Variants in FAM184B observed in about 807,000 individuals in gnomAD.
FAM184B encodes protein FAM184B.
In FAM184B, 111 loss-of-function variants were observed where a neutral mutation model predicts 135.9. The observed-to-expected ratio is 0.82, with a 90% CI of 0.70 to 0.96. The LOEUF (loss-of-function observed/expected upper bound fraction) is 0.96. Among genes scored for constraint, FAM184B ranks in the 40% least tolerant of loss-of-function variants. The pLI is 0.00. For missense variants in FAM184B, 1,375 were observed against 1,323.9 expected, an observed-to-expected ratio of 1.04 and a Z score of -0.60; for synonymous variants, 552 against 524.8, an observed-to-expected ratio of 1.05 and a Z score of -0.71.
chr4:17,775,192 A>T (rs6449336), intron 1 of FAM184B, among the ~76,000 whole-genome samples: 8,792 of 147,434 alleles, frequency 0.06, 738 homozygotes, highest in African/African-American at 0.2. Context: ...AATTTAATTT[A>T]ATTTTATTTT....
At chr4:17,748,217 C>T (rs1157545454) in intron 1 of FAM184B, among the ~76,000 whole-genome samples, 1 of 151,772 alleles carries the variant, frequency 6.6e-6, no homozygotes, top group African/African-American at 2.4e-5. Context: ...CTCTGTGACA[C>T]GGTGGGGTGT....
intron 1 of FAM184B, among the ~76,000 whole-genome samples, chr4:17,774,986 CCTTTT>C (rs1317978572): frequency 2.1e-5 from 3 of 143,442 alleles, no homozygotes; most frequent in Non-Finnish European, 4.5e-5. Flanking sequence ...AAGATATTTT[CCTTTT>C]CTTTTTTTTT....
chr4:17,677,904 A>G (rs1716349930), intron 7 of FAM184B, among the ~76,000 whole-genome samples: 1 of 152,206 alleles, frequency 6.6e-6, no homozygotes, highest in Non-Finnish European at 1.5e-5. Context: ...CACATAAACA[A>G]TTAAAACAAA....
chr4:17,727,081 G>A (rs903936223), intron 1 of FAM184B, among the ~76,000 whole-genome samples: 3 of 152,196 alleles, frequency 2.0e-5, no homozygotes, highest in Non-Finnish European at 2.9e-5. Context: ...TTCTGTGTCA[G>A]TAAGAACAGA....
chr4:17,720,439 A>T (rs550781794), intron 1 of FAM184B, among the ~76,000 whole-genome samples: 2 of 152,222 alleles, frequency 1.3e-5, no homozygotes, highest in Non-Finnish European at 2.9e-5. Context: ...ACTCAAAACC[A>T]CAATGAGATA....
chr4:17,766,827 C>A (rs575535932), intron 1 of FAM184B, among the ~76,000 whole-genome samples: 26 of 152,364 alleles, frequency 1.7e-4, no homozygotes, highest in African/African-American at 5.8e-4. Flanking sequence ...AGCCCCTGGG[C>A]GGTCAATGGG....
intron 1 of FAM184B, among the ~76,000 whole-genome samples, chr4:17,741,868 T>C (rs1718042542): frequency 6.6e-6 from 1 of 152,168 alleles, no homozygotes; most frequent in Non-Finnish European, 1.5e-5. Flanking sequence ...AAGAGTGGAA[T>C]GGTGGTTACC....
At chr4:17,748,384 G>C (rs1718221904) in intron 1 of FAM184B, among the ~76,000 whole-genome samples, 2 of 151,970 alleles carry the variant, frequency 1.3e-5, no homozygotes, top group Admixed American at 6.6e-5. Flanking sequence ...AGTTGATAGA[G>C]TTGTCCCTGT....
chr4:17,650,618 A>T (rs1035594162), intron 11 of FAM184B, among the ~76,000 whole-genome samples: 7 of 152,174 alleles, frequency 4.6e-5, no homozygotes, highest in African/African-American at 1.7e-4. Context: ...TGACCTGTAC[A>T]TGGGGAGCCT....
chr4:17,766,424 G>T (rs906212802), intron 1 of FAM184B, among the ~76,000 whole-genome samples: 6 of 152,010 alleles, frequency 3.9e-5, no homozygotes, highest in Admixed American at 3.9e-4. Context: ...AGACATAAAG[G>T]TTCTCCAAGT....
chr4:17,765,223 T>A (rs1199331800), intron 1 of FAM184B, among the ~76,000 whole-genome samples: 3 of 152,146 alleles, frequency 2.0e-5, no homozygotes, highest in African/African-American at 7.2e-5. Context: ...GCACATCTTG[T>A]CTATCAGATT....
intron 1 of FAM184B, among the ~76,000 whole-genome samples, chr4:17,744,928 A>T (rs890778838): frequency 6.6e-6 from 1 of 152,176 alleles, no homozygotes; most frequent in African/African-American, 2.4e-5. Context: ...AGTTGTCTAA[A>T]GGAGGCAGTA....
intron 1 of FAM184B, among the ~76,000 whole-genome samples, chr4:17,721,383 C>CAAAAAAAAAGAAAAA (rs1717523430): frequency 2.1e-5 from 1 of 47,384 alleles, no homozygotes; most frequent in Non-Finnish European, 4.0e-5. Context: ...GATTCTGTCT[C>CAAAAAAAAAGAAAAA]AAAAAAAAAA....
intron 7 of FAM184B, among the ~76,000 whole-genome samples, chr4:17,666,430 A>G (rs1352144423): frequency 7.0e-6 from 1 of 142,768 alleles, no homozygotes; most frequent in African/African-American, 2.6e-5. Flanking sequence ...CAGTTTCCCA[A>G]GTAGTTGAGA....
intron 1 of FAM184B, among the ~76,000 whole-genome samples, chr4:17,744,394 G>A (rs555155656): frequency 5.3e-5 from 8 of 151,906 alleles, no homozygotes; most frequent in Admixed American, 2.6e-4. Context: ...AGCTGAAGGC[G>A]CGAGGCAGGC....
intron 1 of FAM184B, among the ~76,000 whole-genome samples, chr4:17,734,401 A>C (rs1717858987): frequency 6.6e-6 from 1 of 152,120 alleles, no homozygotes; most frequent in Non-Finnish European, 1.5e-5. Context: ...GGCAACCTAC[A>C]AAATGGGAGA....
At chr4:17,719,058 G>A (rs574429716) in intron 1 of FAM184B, among the ~76,000 whole-genome samples, 7 of 152,080 alleles carry the variant, frequency 4.6e-5, no homozygotes, top group South Asian at 2.1e-4. Flanking sequence ...TTTCCTATAC[G>A]TATGTACATA....
At chr4:17,698,474 G>A (rs919312702) in intron 5 of FAM184B, among the ~76,000 whole-genome samples, 8 of 152,290 alleles carry the variant, frequency 5.3e-5, no homozygotes, top group Admixed American at 3.3e-4. Flanking sequence ...GGCGTATTAC[G>A]AGAAAACTTG....
chr4:17,724,198 C>T (rs1160909894), intron 1 of FAM184B, among the ~76,000 whole-genome samples: 2 of 151,962 alleles, frequency 1.3e-5, no homozygotes, highest in African/African-American at 4.8e-5. Context: ...AAGAATACAC[C>T]AAAACATGAC....
Sources: gnomAD v4.1 joint callset for allele counts (sites outside exome capture counted in the v4.1 genomes callset) on GRCh38, gnomAD v4.1.1 for gene constraint, MANE v1.5 for transcripts, NCBI Gene and HGNC (gene_info 2026-07-23, HGNC 2026-07-21) for gene names.